Variants in HOXC11 observed in about 807,000 individuals in gnomAD.
HOXC11 encodes homeobox protein Hox-C11.
Under a neutral mutation model 23.6 loss-of-function variants are expected in HOXC11, and 17 were observed. The observed-to-expected ratio is 0.72, with a 90% confidence interval of 0.49 to 1.08. The LOEUF is 1.08. Ranked by LOEUF, HOXC11 falls within the 50% of genes least tolerant of loss-of-function variation. The pLI is 0.00. For synonymous variants in HOXC11, 196 were observed against 183.8 expected, an observed-to-expected ratio of 1.07 and a Z score of -0.54; for missense variants, 413 against 412.1, an observed-to-expected ratio of 1.00 and a Z score of -0.02.
rs1939235340 is a variant in HOXC11 at position 53,975,244 on chromosome 12, G to A, written c.746G>A (p.Arg249Gln). 1 of 1,613,026 alleles carries A rather than the reference G, an allele frequency of 6.2e-7. No homozygotes were observed. Among genetic ancestry groups the A allele is most frequent in the Non-Finnish European group, 8.5e-7 (1 of 1,179,990 alleles). Residue 249 changes from arginine (R) to glutamine (Q), a missense_variant, in exon 2 of 2, where the codon CGA becomes CAA. Arg to Gln is a conservative substitution (Grantham distance 43). Coordinates refer to ENST00000546378, the MANE Select transcript of HOXC11 (RefSeq NM_014212.4). ...AAATTCCAGATCCGGGAACTGGAGCGAGAGTTTTTCTTCAACGTGTATATC... is the reference window on the plus strand; with the variant it reads ...AAATTCCAGATCCGGGAACTGGAGCAAGAGTTTTTCTTCAACGTGTATATC... ...YSKFQIRELE[R>Q]EFFFNVYINK...
rs772613988 is a variant in HOXC11, at chr12:53,975,526, C to T, written c.*113C>T. The T allele has an allele frequency of 2.5e-6, 2 of 806,104 alleles. No homozygotes were observed. Among genetic ancestry groups the T allele is most frequent in the South Asian group, 1.5e-5 (1 of 68,466 alleles). The allele number at this position is 806,104 out of a possible 1,614,324, so 49.9% of individuals were successfully genotyped here. ...CCGCCGGTGGAAAACTGGACTGTGGCCAGGGCTGGCCCCCACCGCTGTGGC... is the reference window on the plus strand; with the variant it reads ...CCGCCGGTGGAAAACTGGACTGTGGTCAGGGCTGGCCCCCACCGCTGTGGC... On this transcript the variant is annotated 3_prime_UTR_variant, in exon 2 of 2. Coordinates refer to ENST00000546378, the MANE Select transcript of HOXC11 (RefSeq NM_014212.4).
In HOXC11 at chr12:53,976,635, G is replaced by A. The variant is rs1939265819; in HGVS notation, c.*1222G>A. The A allele has an allele frequency of 6.3e-6, 1 of 158,600 alleles. No individual in the cohort carries two copies. Among genetic ancestry groups the A allele is most frequent in the African/African-American group, 2.4e-5 (1 of 41,628 alleles). The allele number at this position is 158,600 out of a possible 1,614,324, so 9.8% of individuals were successfully genotyped here. A position where few individuals can be genotyped will look rare whatever the true frequency, so the allele number is the denominator to read the frequency against. On this transcript the variant is annotated 3_prime_UTR_variant, in exon 2 of 2. Transcript: ENST00000546378. ...CGTAGTCTCCTCACATTCTCAAGCT[G>A]AGGACATTCCATAGCTACTCTGAAG...
rs189257696 is a variant in HOXC11, at chr12:53,977,239, G to A, written c.*1826G>A. The stretch of plus-strand genomic sequence containing the variant: ...GCAGTGCTTTCAGTGAGGGCACTTC[G>A]TTGGTCTCTGTTTCAAATTCGTTAT... On this transcript the variant is annotated 3_prime_UTR_variant, in exon 2 of 2. Transcript: ENST00000546378. 5 of 152,328 alleles carry A rather than the reference G, an allele frequency of 3.3e-5. No homozygotes were observed. The highest frequency in any genetic ancestry group is 1.9e-4 in the East Asian group (1 of 5,192). 9.4% of individuals were successfully genotyped at this position (152,328 alleles called of 1,614,324 possible).
chr12:53,973,946 C>T lies in HOXC11; in HGVS notation c.682+23C>T. The stretch of plus-strand genomic sequence containing the variant: ...CCAGTAGGTAGCAGCGGCCGGGGAA[C>T]GGGCGGGCAGCGAGGGAGGGAGCGA... On this transcript the variant is annotated intron_variant, in intron 1 of 1. Transcript: ENST00000546378. The surrounding 1 kb of genome is among the most constrained non-coding windows in gnomAD (Gnocchi z 4.3). 1 of 1,427,874 alleles carries T rather than the reference C, an allele frequency of 7.0e-7. No individual in the cohort carries two copies. The highest frequency in any genetic ancestry group is 9.2e-7 in the Non-Finnish European group (1 of 1,088,862). 88.5% of individuals were successfully genotyped at this position (1,427,874 alleles called of 1,614,324 possible).
At position 53,975,955 on chromosome 12, in the gene HOXC11, G is replaced by A; in HGVS notation, c.*542G>A. On this transcript the variant is annotated 3_prime_UTR_variant, in exon 2 of 2. Coordinates refer to ENST00000546378, the MANE Select transcript of HOXC11 (RefSeq NM_014212.4). ...ACCTGGTGTTAGGTGTGCAAAGTCCGTGTCCTACCTCCGTCTTCGCCAAGG... is the reference window on the plus strand; with the variant it reads ...ACCTGGTGTTAGGTGTGCAAAGTCCATGTCCTACCTCCGTCTTCGCCAAGG... The A allele has an allele frequency of 3.9e-6, 1 of 256,420 alleles. No homozygotes were observed. Among genetic ancestry groups the A allele is most frequent in the Non-Finnish European group, 7.4e-6 (1 of 134,374 alleles). The allele number at this position is 256,420 out of a possible 1,614,324, so 15.9% of individuals were successfully genotyped here.
chr12:53,975,203 G>A lies in HOXC11; in HGVS notation c.705G>A (p.Lys235=), dbSNP rs1939234697. 6.2e-7 allele frequency: 1 copy of A among 1,608,130 alleles called. No individual in the cohort carries two copies. The highest frequency in any genetic ancestry group is 8.5e-7 in the Non-Finnish European group (1 of 1,177,910). ...AAPNAPRTRK[K]RCPYSKFQIR... is the part of the protein sequence containing the mutation. ...CAGACGCCCCCCGCACCCGCAAGAA[G>A]CGCTGCCCTTATTCGAAATTCCAGA... Residue 235 remains lysine, a synonymous_variant, in exon 2 of 2, where the codon AAG becomes AAA. Transcript: ENST00000546378.
chr12:53,975,589 G>A lies in HOXC11; in HGVS notation c.*176G>A, dbSNP rs1188039364. On this transcript the variant is annotated 3_prime_UTR_variant, in exon 2 of 2. Transcript: ENST00000546378. ...CCGGAACCTCCTGGACCCTCTATCT[G>A]ACTCTCGCTGTGGGACAGGGACCGG... 3 of 663,440 alleles carry A rather than the reference G, an allele frequency of 4.5e-6. No individual in the cohort carries two copies. Among genetic ancestry groups the A allele is most frequent in the Non-Finnish European group, 5.4e-6 (2 of 372,544 alleles). 41.1% of individuals were successfully genotyped at this position (663,440 alleles called of 1,614,324 possible). A position where few individuals can be genotyped will look rare whatever the true frequency, so the allele number is the denominator to read the frequency against.
In HOXC11 at chr12:53,976,375, GA is replaced by G. The variant is rs1441946059; in HGVS notation, c.*965del. ...GCTCCCTTCCCAGAGGGATTGCTGT[GA>G]AATTTTTTTGGTGGCAAATAAAGAT... On this transcript the variant is annotated 3_prime_UTR_variant, in exon 2 of 2. Coordinates refer to ENST00000546378, the MANE Select transcript of HOXC11 (RefSeq NM_014212.4). 9.4e-6 allele frequency: 2 copies of G among 211,968 alleles called. No homozygotes were observed. Among genetic ancestry groups the G allele is most frequent in the Non-Finnish European group, 1.9e-5 (2 of 104,376 alleles). The allele number at this position is 211,968 out of a possible 1,614,324, so 13.1% of individuals were successfully genotyped here.
Position 53,973,180 on chromosome 12 carries a change from T to C in HOXC11, c.-62T>C. 1.5e-6 allele frequency: 2 copies of C among 1,374,330 alleles called. No homozygotes were observed. Among genetic ancestry groups the C allele is most frequent in the Non-Finnish European group, 2.0e-6 (2 of 1,017,554 alleles). The allele number at this position is 1,374,330 out of a possible 1,614,324, so 85.1% of individuals were successfully genotyped here. A position where few individuals can be genotyped will look rare whatever the true frequency, so the allele number is the denominator to read the frequency against. ...TAACGCGTCATCTCGCCTTCCCAAA[T>C]TTTCCCCCCTCGCTAGACCGGGTCC... On this transcript the variant is annotated 5_prime_UTR_variant, in exon 1 of 2. Transcript: ENST00000546378. The surrounding 1 kb of genome is among the most constrained non-coding windows in gnomAD (Gnocchi z 4.3).
rs1016457991 is a variant in HOXC11 at position 53,973,993 on chromosome 12, G to C, written c.682+70G>C. On this transcript the variant is annotated intron_variant, in intron 1 of 1. Transcript: ENST00000546378. The surrounding 1 kb of genome is among the most constrained non-coding windows in gnomAD (Gnocchi z 4.3). ...GCGAGAGAGGGAGGGCGAGAGAAGG[G>C]GGGAGGCAAGGGGAGCGGGGACGGC... 1 of 1,285,366 alleles carries C rather than the reference G, an allele frequency of 7.8e-7. No individual in the cohort carries two copies. Among genetic ancestry groups the C allele is most frequent in the Non-Finnish European group, 1.0e-6 (1 of 967,562 alleles). The allele number at this position is 1,285,366 out of a possible 1,614,324, so 79.6% of individuals were successfully genotyped here.
In HOXC11 at chr12:53,973,834, A is replaced by G; in HGVS notation, c.593A>G (p.Glu198Gly). The G allele has an allele frequency of 3.4e-6, 5 of 1,476,450 alleles. No homozygotes were observed. Among genetic ancestry groups the G allele is most frequent in the Non-Finnish European group, 2.7e-6 (3 of 1,115,334 alleles). The allele number at this position is 1,476,450 out of a possible 1,614,324, so 91.5% of individuals were successfully genotyped here. The change falls in exon 1 of 2, where the codon GAG (glutamate) becomes GGG (glycine). Residue 198 changes from glutamate to glycine, a missense_variant. Coordinates refer to ENST00000546378, the MANE Select transcript of HOXC11 (RefSeq NM_014212.4). The surrounding 1 kb of genome is among the most constrained non-coding windows in gnomAD (Gnocchi z 4.3). ...GCGTCCCGGGCTGAGGCGGGTGCCG[A>G]GGCGGAGGCTGAGGAGGAGAACACA... ...GLASRAEAGAEAEAEEENTNP... is the reference protein window; with the variant it reads ...GLASRAEAGAGAEAEEENTNP...
In HOXC11 at chr12:53,973,495, A is replaced by G. The variant is rs1217741024; in HGVS notation, c.254A>G (p.His85Arg). The change falls in exon 1 of 2, where the codon CAT (histidine) becomes CGT (arginine). Residue 85 changes from histidine to arginine, a missense_variant. Coordinates refer to ENST00000546378, the MANE Select transcript of HOXC11 (RefSeq NM_014212.4). The surrounding 1 kb of genome is among the most constrained non-coding windows in gnomAD (Gnocchi z 4.3). Reference sequence around the variant, plus strand: ...CTGGAGCCATCCGGCAAGTGGCACCATCGGAACAGCTACTCCTCCTGCTAT... The same window carrying G: ...CTGGAGCCATCCGGCAAGTGGCACCGTCGGAACAGCTACTCCTCCTGCTAT... Reference protein sequence around the residue: ...YGLEPSGKWHHRNSYSSCYAA... With the variant: ...YGLEPSGKWHRRNSYSSCYAA... 1 of 1,613,910 alleles carries G rather than the reference A, an allele frequency of 6.2e-7. No individual in the cohort carries two copies. Among genetic ancestry groups the G allele is most frequent in the South Asian group, 1.1e-5 (1 of 91,058 alleles).
Position 53,975,164 on chromosome 12 carries a change from C to T in HOXC11, c.683-17C>T, listed in dbSNP as rs757823695. 7.9e-7 allele frequency: 1 copy of T among 1,269,166 alleles called. No individual in the cohort carries two copies. The highest frequency in any genetic ancestry group is 1.1e-6 in the Non-Finnish European group (1 of 881,794). The allele number at this position is 1,269,166 out of a possible 1,614,324, so 78.6% of individuals were successfully genotyped here. ...TCTCCCCCCTCTCCTCGCACTTGCC[C>T]CCTCCCCTCCCTCCAGACGCCCCCC... On this transcript the variant is annotated splice_polypyrimidine_tract_variant and intron_variant, in intron 1 of 1. Coordinates refer to ENST00000546378, the MANE Select transcript of HOXC11 (RefSeq NM_014212.4).
Position 53,973,760 on chromosome 12 carries a change from C to A in HOXC11, c.519C>A (p.Gly173=), listed in dbSNP as rs1371623312. The A allele has an allele frequency of 6.2e-7, 1 of 1,612,196 alleles. No individual in the cohort carries two copies. Among genetic ancestry groups the A allele is most frequent in the Non-Finnish European group, 8.5e-7 (1 of 1,179,456 alleles). Residue 173 remains glycine (G), a synonymous_variant, in exon 1 of 2, where the codon GGC becomes GGA. Coordinates refer to ENST00000546378, the MANE Select transcript of HOXC11 (RefSeq NM_014212.4). This position sits in a 1 kb window ranked among gnomAD's most constrained non-coding sequence, Gnocchi z 4.3. ...GDPPAEPPCS[G]KGEAKGEPEA... is the part of the protein sequence containing the mutation. ...CGCCCGCCGAGCCCCCCTGCTCCGG[C>A]AAGGGCGAGGCCAAGGGGGAGCCCG...
chr12:53,973,922 C>G lies in HOXC11; in HGVS notation c.681C>G (p.Pro227=), dbSNP rs768660954. Reference sequence around the variant, plus strand: ...AGGAGCCGGCCAAAGGAGCCGCCCCCAGTAGGTAGCAGCGGCCGGGGAACG... The same window carrying G: ...AGGAGCCGGCCAAAGGAGCCGCCCCGAGTAGGTAGCAGCGGCCGGGGAACG... The part of the protein sequence containing the change: ...VAKEPAKGAA[P]NAPRTRKKRC... Residue 227 remains proline (P), a splice_region_variant and synonymous_variant, in exon 1 of 2, where the codon CCC becomes CCG. Transcript: ENST00000546378. The surrounding 1 kb of genome is among the most constrained non-coding windows in gnomAD (Gnocchi z 4.3). 1.4e-6 allele frequency: 2 copies of G among 1,438,470 alleles called. No homozygotes were observed. The highest frequency in any genetic ancestry group is 2.6e-5 in the East Asian group (1 of 38,636). The allele number at this position is 1,438,470 out of a possible 1,614,324, so 89.1% of individuals were successfully genotyped here.
Position 53,975,387 on chromosome 12 carries a change from T to C in HOXC11, c.889T>C (p.Tyr297His), listed in dbSNP as rs759174660. ...EKKLSRDRLQ[Y>H]FSGNPLL ...GAAACTGAGCAGAGACCGGCTGCAG[T>C]ATTTCTCGGGAAATCCTCTGCTGTA... The change falls in exon 2 of 2, where the codon TAT becomes CAT. Residue 297 changes from tyrosine (Y) to histidine (H), a missense_variant. Physicochemically the swap from Tyr to His is moderately conservative, Grantham distance 83. Transcript: ENST00000546378. 32 of 1,612,596 alleles carry C rather than the reference T, an allele frequency of 2.0e-5. No individual in the cohort carries two copies. The South Asian group carries it at 3.3e-4, about 17-fold the overall frequency.
Position 53,973,606 on chromosome 12 carries a change from G to T in HOXC11, c.365G>T (p.Gly122Val). ...CTCATGAAAAACGAAGGCTCCTACG[G>T]CGGCCACCACCACCCCAGCGCCCCG... ...EILMKNEGSY[G>V]GHHHPSAPHA... is the part of the protein sequence containing the mutation. The change falls in exon 1 of 2, where the codon GGC (glycine) becomes GTC (valine). Residue 122 changes from glycine (G) to valine (V), a missense_variant. Coordinates refer to ENST00000546378, the MANE Select transcript of HOXC11 (RefSeq NM_014212.4). This position sits in a 1 kb window ranked among gnomAD's most constrained non-coding sequence, Gnocchi z 4.3. The T allele has an allele frequency of 6.2e-7, 1 of 1,613,386 alleles. No individual in the cohort carries two copies.
chr12:53,976,401 T>C lies in HOXC11; in HGVS notation c.*988T>C, dbSNP rs1939260413. ...AAATTTTTTTGGTGGCAAATAAAGA[T>C]AAATTTCATTCTGTTCAATATTATG... On this transcript the variant is annotated 3_prime_UTR_variant, in exon 2 of 2. Coordinates refer to ENST00000546378, the MANE Select transcript of HOXC11 (RefSeq NM_014212.4). The C allele has an allele frequency of 5.0e-6, 1 of 200,368 alleles. No individual in the cohort carries two copies. The highest frequency in any genetic ancestry group is 6.0e-5 in the Admixed American group (1 of 16,600). 12.4% of individuals were successfully genotyped at this position (200,368 alleles called of 1,614,324 possible).
chr12:53,973,442 G>GC lies in HOXC11; in HGVS notation c.206dup (p.Val70GlyfsTer125). The GC allele has an allele frequency of 1.2e-6, 2 of 1,614,038 alleles. No individual in the cohort carries two copies. Among genetic ancestry groups the GC allele is most frequent in the East Asian group, 2.2e-5 (1 of 44,854 alleles). ...TCTCCTATCCCTACTCGGCCCAAGT[G>GC]CCCCCGGTCCGGGAGGTCTCCTACG... On this transcript the variant is annotated frameshift_variant, in exon 1 of 2. Coordinates refer to ENST00000546378, the MANE Select transcript of HOXC11 (RefSeq NM_014212.4). LOFTEE classifies it high-confidence loss of function. The surrounding 1 kb of genome is among the most constrained non-coding windows in gnomAD (Gnocchi z 4.3).
Sources: gnomAD v4.1 joint callset for allele counts on GRCh38, gnomAD v4.1.1 for gene constraint, Gnocchi (gnomAD v3.1) non-coding constraint, MANE v1.5 for transcripts, NCBI Gene and HGNC (gene_info 2026-07-23, HGNC 2026-07-21) for gene names.